The following HS6ST3 variants were observed in gnomAD, a reference collection of about 807,000 sequenced individuals.
HS6ST3 encodes heparan sulfate 6-O-sulfotransferase 3.
Under a neutral mutation model 36.7 loss-of-function variants are expected in HS6ST3, and 12 were observed. That is an observed-to-expected ratio of 0.33 (90% CI 0.21 to 0.53). HS6ST3 has a LOEUF of 0.53. HS6ST3 is among the 20% of genes least tolerant of loss of function. HS6ST3 has a pLI of 0.95. For synonymous variants in HS6ST3, 240 were observed against 257.5 expected, an observed-to-expected ratio of 0.93 and a Z score of 0.65; for missense variants, 584 against 640.9, an observed-to-expected ratio of 0.91 and a Z score of 0.96.
intron 1 of HS6ST3, among the ~76,000 whole-genome samples, chr13:96,647,685 G>A (rs547437001): frequency 6.6e-6 from 1 of 151,982 alleles, no homozygotes; most frequent in East Asian, 1.9e-4. Context: ...TTCTTACAAA[G>A]TTGAAACTGA....
chr13:96,800,945 C>G (rs1878050856), intron 1 of HS6ST3, among the ~76,000 whole-genome samples: 1 of 152,120 alleles, frequency 6.6e-6, no homozygotes, highest in Non-Finnish European at 1.5e-5. Context: ...CCTAGTAAGA[C>G]ATAAAAAGTG....
intron 1 of HS6ST3, among the ~76,000 whole-genome samples, chr13:96,672,907 G>A (rs2056687178): frequency 6.6e-6 from 1 of 152,124 alleles, no homozygotes; most frequent in African/African-American, 2.4e-5. Context: ...CATTTCGTCT[G>A]GTTGTTGTAA....
At chr13:96,710,200 A>G (rs1205273938) in intron 1 of HS6ST3, among the ~76,000 whole-genome samples, 1 of 152,266 alleles carries the variant, frequency 6.6e-6, no homozygotes, top group Admixed American at 6.5e-5. Context: ...GGATTTTGAA[A>G]ATGGCCAAAA....
intron 1 of HS6ST3, among the ~76,000 whole-genome samples, chr13:96,149,135 G>A (rs926463925): frequency 6.6e-6 from 1 of 152,150 alleles, no homozygotes; most frequent in Non-Finnish European, 1.5e-5. Context: ...ATTGATCAAA[G>A]ATCATTTAAA....
At chr13:96,307,693 CAG>C in intron 1 of HS6ST3, among the ~76,000 whole-genome samples, 1 of 151,752 alleles carries the variant, frequency 6.6e-6, no homozygotes. Flanking sequence ...GTTCATGATA[CAG>C]AGTGGGATTT....
rs370212671 is a variant in HS6ST3 at position 96,326,376 on chromosome 13, G to A, written c.707+234807G>A. 6.9e-5 allele frequency among the ~76,000 whole-genome samples: 9 copies of A among 130,936 alleles called. No homozygotes were observed. In the East Asian group the frequency reaches 1.5e-3, roughly 22 times the overall value. 85.9% of individuals were successfully genotyped at this position (130,936 alleles called of 152,430 possible). Reference sequence around the variant, plus strand: ...CAGTGTGTGATGTTCCCCTTCCCGTGTCCATGTGTTCTCGTTGTTCAGTTC... The same window carrying A: ...CAGTGTGTGATGTTCCCCTTCCCGTATCCATGTGTTCTCGTTGTTCAGTTC... On this transcript the variant is annotated intron_variant, in intron 1 of 1. Coordinates refer to ENST00000376705, the MANE Select transcript of HS6ST3 (RefSeq NM_153456.4).
intron 1 of HS6ST3, among the ~76,000 whole-genome samples, chr13:96,109,873 G>C (rs1428927523): frequency 1.3e-5 from 2 of 152,178 alleles, no homozygotes; most frequent in Non-Finnish European, 1.5e-5. Context: ...GAAGTGCCGG[G>C]TACTGGGCTG....
At chr13:96,458,053 A>T (rs567599616) in intron 1 of HS6ST3, among the ~76,000 whole-genome samples, 13 of 152,238 alleles carry the variant, frequency 8.5e-5, no homozygotes, top group African/African-American at 2.6e-4. Flanking sequence ...AGGATTAACA[A>T]AAGATAAGAC....
intron 1 of HS6ST3, among the ~76,000 whole-genome samples, chr13:96,415,651 T>A (rs1246072666): frequency 6.6e-6 from 1 of 152,170 alleles, no homozygotes. Flanking sequence ...TAATGGCTGA[T>A]GTTCTCTGTG....
At chr13:96,122,149 T>C (rs1298325467) in intron 1 of HS6ST3, among the ~76,000 whole-genome samples, 1 of 132,582 alleles carries the variant, frequency 7.5e-6, no homozygotes. Context: ...ATTATTATTA[T>C]TTGCTATTTT....
At chr13:96,783,814 C>T (rs1478612945) in intron 1 of HS6ST3, among the ~76,000 whole-genome samples, 1 of 152,022 alleles carries the variant, frequency 6.6e-6, no homozygotes, top group Admixed American at 6.6e-5. Flanking sequence ...CGTAAGATCA[C>T]ATGAAAGCTG....
intron 1 of HS6ST3, among the ~76,000 whole-genome samples, chr13:96,273,945 C>T (rs1268396061): frequency 1.5e-5 from 2 of 131,132 alleles, no homozygotes; most frequent in African/African-American, 5.7e-5. Flanking sequence ...CCCTCCCTCC[C>T]TCCCTTCCTT....
chr13:96,649,631 C>CT (rs1484222834), intron 1 of HS6ST3, among the ~76,000 whole-genome samples: 2 of 152,070 alleles, frequency 1.3e-5, no homozygotes, highest in African/African-American at 4.8e-5. Context: ...TGTCCACTTC[C>CT]TCCACCTCCA....
Position 96,417,081 on chromosome 13 carries a change from C to T in HS6ST3, c.707+325512C>T, listed in dbSNP as rs141155949. Among the ~76,000 whole-genome samples, 246 of 152,238 alleles carry T rather than the reference C, an allele frequency of 1.6e-3. 1 individual carries two copies. Among genetic ancestry groups the T allele is most frequent in the African/African-American group, 5.8e-3 (241 of 41,534 alleles). On this transcript the variant is annotated intron_variant, in intron 1 of 1. Transcript: ENST00000376705. ...GGGTAACTTTTACGCTGCCAGCACA[C>T]GTTCAGAAATTCTTAGCAAGGGACA...
intron 1 of HS6ST3, among the ~76,000 whole-genome samples, chr13:96,122,137 C>CTAT (rs1040920112): frequency 6.3e-4 from 16 of 25,508 alleles, no homozygotes; most frequent in Middle Eastern, 0.014. Flanking sequence ...ATTATTATTA[C>CTAT]TATTATTATT....
intron 1 of HS6ST3, among the ~76,000 whole-genome samples, chr13:96,755,424 G>T (rs1220116633): frequency 6.6e-6 from 1 of 151,956 alleles, no homozygotes; most frequent in Non-Finnish European, 1.5e-5. Flanking sequence ...GAGTGCAATG[G>T]CATGGTCTCA....
chr13:96,775,997 A>C (rs1877379082), intron 1 of HS6ST3, among the ~76,000 whole-genome samples: 1 of 152,226 alleles, frequency 6.6e-6, no homozygotes, highest in Non-Finnish European at 1.5e-5. Context: ...AGTCTCTTGG[A>C]CCACAGTGCA....
At chr13:96,827,529 T>G (rs550752269) in intron 1 of HS6ST3, among the ~76,000 whole-genome samples, 26 of 150,784 alleles carry the variant, frequency 1.7e-4, no homozygotes, top group African/African-American at 5.8e-4. Context: ...GATTTCCAGA[T>G]GCTTTTAGCC....
intron 1 of HS6ST3, among the ~76,000 whole-genome samples, chr13:96,105,358 G>C (rs1052219330): frequency 6.6e-6 from 1 of 152,150 alleles, no homozygotes; most frequent in African/African-American, 2.4e-5. Flanking sequence ...TATAATTTAA[G>C]TAATATTATA....
Sources: allele counts gnomAD v4.1 joint callset (sites outside exome capture counted in the v4.1 genomes callset), GRCh38; gene constraint gnomAD v4.1.1; transcripts MANE v1.5; gene names NCBI Gene and HGNC (gene_info 2026-07-23, HGNC 2026-07-21).